UBXN2A: variants seen among roughly 807,000 people sequenced by gnomAD.
UBXN2A encodes UBX domain protein 2A.
Under a neutral mutation model 28.4 loss-of-function variants are expected in UBXN2A, and 28 were observed. The ratio of observed to expected loss-of-function variants is 0.99; its 90% CI spans 0.73 to 1.35. UBXN2A has a LOEUF of 1.35. Ranked by LOEUF, UBXN2A falls within the 40% of genes most tolerant of loss-of-function variation. UBXN2A has a pLI of 0.00. For missense variants in UBXN2A, 253 were observed against 297.9 expected (o/e 0.85, Z 1.11); for synonymous variants, 97 against 103.6 (o/e 0.94, Z 0.39).
intron 2 of UBXN2A, among the ~76,000 whole-genome samples, chr2:23,969,727 G>A (rs1346828115): frequency 6.6e-6 from 1 of 152,116 alleles, no homozygotes; most frequent in Non-Finnish European, 1.5e-5. Flanking sequence ...GCTACTTGGG[G>A]GAGAATCACT....
At chr2:23,968,436 G>T (rs1224721374) in intron 2 of UBXN2A, among the ~76,000 whole-genome samples, 1 of 152,044 alleles carries the variant, frequency 6.6e-6, no homozygotes, top group Non-Finnish European at 1.5e-5. Context: ...CAGCACTTCG[G>T]GAGGCTGAGG....
intron 6 of UBXN2A, among the ~76,000 whole-genome samples, chr2:23,991,911 C>T (rs896816990): frequency 6.6e-6 from 1 of 152,140 alleles, no homozygotes; most frequent in Non-Finnish European, 1.5e-5. Context: ...CGTCCCTCAG[C>T]CTCCCAAGTA....
intron 1 of UBXN2A, among the ~76,000 whole-genome samples, chr2:23,952,827 C>T (rs560985277): frequency 1.0e-3 from 154 of 152,254 alleles, no homozygotes; most frequent in African/African-American, 3.6e-3. Context: ...AGTCCTCCCA[C>T]TTTGACATCC....
At chr2:23,941,386 C>T (rs1280483470) in intron 1 of UBXN2A, among the ~76,000 whole-genome samples, 1 of 152,074 alleles carries the variant, frequency 6.6e-6, no homozygotes, top group East Asian at 1.9e-4. Flanking sequence ...TGCTGAAAGT[C>T]GGATTTATTT....
intron 1 of UBXN2A, among the ~76,000 whole-genome samples, chr2:23,953,565 G>A (rs1706474112): frequency 1.3e-5 from 2 of 152,018 alleles, no homozygotes; most frequent in South Asian, 2.1e-4. Flanking sequence ...CAGATGTTAC[G>A]GATTCTTTCA....
intron 3 of UBXN2A, among the ~76,000 whole-genome samples, chr2:23,971,780 A>G (rs1183716887): frequency 6.6e-6 from 1 of 151,936 alleles, no homozygotes; most frequent in Non-Finnish European, 1.5e-5. Flanking sequence ...GTGAGGCCAA[A>G]ACTGTTTTCA....
intron 6 of UBXN2A, among the ~76,000 whole-genome samples, chr2:23,989,565 T>C (rs1194041848): frequency 1.3e-5 from 2 of 151,802 alleles, no homozygotes. Flanking sequence ...ATTTCTATAT[T>C]TTTATATATC....
At position 23,993,588 on chromosome 2, in the gene UBXN2A, A is replaced by G. The variant is rs74557442; in HGVS notation, c.585-6084A>G. Among the ~76,000 whole-genome samples, 1,120 of 152,222 alleles carry G rather than the reference A, an allele frequency of 7.4e-3. 20 individuals carry two copies. The highest frequency in any genetic ancestry group is 0.025 in the African/African-American group (1,054 of 41,566). On this transcript the variant is annotated intron_variant, in intron 6 of 6. Coordinates refer to ENST00000309033, the MANE Select transcript of UBXN2A (RefSeq NM_181713.4). ...CTCAAAATGCTATTACTTGTAAACA[A>G]TATTCACTTATATATCATTTTACTT... is the stretch of plus-strand genomic sequence containing the variant.
chr2:23,935,716 A>G (rs1269840277), upstream of UBXN2A, among the ~76,000 whole-genome samples: 4 of 152,190 alleles, frequency 2.6e-5, no homozygotes, highest in Admixed American at 1.3e-4. Flanking sequence ...GAAAAGTTAA[A>G]CACAGAAATA....
chr2:23,971,555 C>T lies in UBXN2A; in HGVS notation c.180+141C>T, dbSNP rs777421765. On this transcript the variant is annotated intron_variant, in intron 3 of 6. Transcript: ENST00000309033. ...CCAGACTGGAGTGCAGTGGCTCGATCTTAGCCCACTGCAACCTCAACCTCC... is the reference window on the plus strand; with the variant it reads ...CCAGACTGGAGTGCAGTGGCTCGATTTTAGCCCACTGCAACCTCAACCTCC... The T allele has an allele frequency of 3.0e-5, 27 of 897,518 alleles. 1 individual carries two copies. The East Asian group carries it at 7.6e-4, about 25-fold the overall frequency. 55.6% of individuals were successfully genotyped at this position (897,518 alleles called of 1,614,324 possible). A position where few individuals can be genotyped will look rare whatever the true frequency, so the allele number is the denominator to read the frequency against.
At chr2:23,946,449 T>G (rs1706083695) in intron 1 of UBXN2A, among the ~76,000 whole-genome samples, 1 of 152,012 alleles carries the variant, frequency 6.6e-6, no homozygotes. Context: ...GCCTGCTGAG[T>G]AGCTGGGACT....
chr2:23,991,464 C>T (rs1244296602), intron 6 of UBXN2A, among the ~76,000 whole-genome samples: 1 of 149,988 alleles, frequency 6.7e-6, no homozygotes, highest in Non-Finnish European at 1.5e-5. Context: ...TTTTTTCTGT[C>T]TTTTTTGTTT....
intron 6 of UBXN2A, among the ~76,000 whole-genome samples, chr2:23,991,004 A>G (rs1379974016): frequency 6.6e-6 from 1 of 152,108 alleles, no homozygotes; most frequent in Non-Finnish European, 1.5e-5. Context: ...TACACTAGAC[A>G]GCTCTTATAT....
intron 2 of UBXN2A, among the ~76,000 whole-genome samples, chr2:23,966,276 C>T (rs556289786): frequency 2.8e-4 from 42 of 151,988 alleles, no homozygotes; most frequent in African/African-American, 8.9e-4. Context: ...GTAGCTGGGA[C>T]TACAGGCACA....
intron 1 of UBXN2A, among the ~76,000 whole-genome samples, chr2:23,955,776 C>A (rs1454216817): frequency 1.3e-5 from 2 of 152,186 alleles, no homozygotes; most frequent in African/African-American, 4.8e-5. Context: ...CTGTTATAAT[C>A]TTATGGGACC....
intron 6 of UBXN2A, among the ~76,000 whole-genome samples, 154 bp from the exon 7 acceptor site, chr2:23,999,518 T>C (rs1293708229): frequency 1.3e-5 from 2 of 152,146 alleles, no homozygotes; most frequent in Admixed American, 6.6e-5. Context: ...CCAGGAGTTA[T>C]TATGATGGCA....
chr2:23,948,181 A>G (rs1284585900), intron 1 of UBXN2A, among the ~76,000 whole-genome samples: 1 of 151,398 alleles, frequency 6.6e-6, no homozygotes, highest in African/African-American at 2.4e-5. Flanking sequence ...CGTGAAATCA[A>G]AAGTAAAATT....
At chr2:23,968,565 C>T (rs1707268665) in intron 2 of UBXN2A, among the ~76,000 whole-genome samples, 1 of 149,550 alleles carries the variant, frequency 6.7e-6, no homozygotes, top group South Asian at 2.1e-4. Context: ...CCCAACTACT[C>T]CAGAGGCTGA....
intron 6 of UBXN2A, among the ~76,000 whole-genome samples, chr2:23,989,716 A>T (rs1708276909): frequency 6.6e-6 from 1 of 151,930 alleles, no homozygotes; most frequent in Non-Finnish European, 1.5e-5. Flanking sequence ...CAGTCTGGGC[A>T]ACATGGTGAA....
Sources: gnomAD v4.1 joint callset for allele counts (sites outside exome capture counted in the v4.1 genomes callset) on GRCh38, gnomAD v4.1.1 for gene constraint, MANE v1.5 for transcripts, NCBI Gene and HGNC (gene_info 2026-07-23, HGNC 2026-07-21) for gene names.